Variants in KATNB1 observed in about 807,000 individuals in gnomAD.
KATNB1 encodes the protein katanin regulatory subunit B1.
In KATNB1, 38 loss-of-function variants were observed where a neutral mutation model predicts 82.3. The ratio of observed to expected loss-of-function variants is 0.46; its 90% CI spans 0.36 to 0.61. The LOEUF (loss-of-function observed/expected upper bound fraction) is 0.61. Among genes scored for constraint, KATNB1 ranks in the 20% least tolerant of loss-of-function variants. KATNB1 has a pLI of 0.00. For synonymous variants in KATNB1, 361 were observed against 368.7 expected (o/e 0.98, Z 0.24); for missense variants, 749 against 915.7 (o/e 0.82, Z 2.35).
intron 4 of KATNB1, among the ~76,000 whole-genome samples, chr16:57,747,474 C>T (rs1274484414): frequency 2.0e-5 from 3 of 152,200 alleles, no homozygotes; most frequent in African/African-American, 4.8e-5. Context: ...TAAAGATGCA[C>T]GCAGCCTCTT....
intron 4 of KATNB1, among the ~76,000 whole-genome samples, chr16:57,750,133 C>G (rs2049214086): frequency 6.6e-6 from 1 of 152,226 alleles, no homozygotes; most frequent in African/African-American, 2.4e-5. Flanking sequence ...TTGAACCTCT[C>G]CTGGTCTGTC....
chr16:57,739,657 C>T (rs1357221412), intron 2 of KATNB1, among the ~76,000 whole-genome samples: 2 of 152,168 alleles, frequency 1.3e-5, no homozygotes, highest in Non-Finnish European at 2.9e-5. Context: ...TCTGCCCTCC[C>T]TCTGTGGGCT....
intron 3 of KATNB1, among the ~76,000 whole-genome samples, chr16:57,742,417 C>T (rs1290888011): frequency 2.0e-5 from 3 of 152,234 alleles, no homozygotes; most frequent in African/African-American, 7.2e-5. Flanking sequence ...TATCCAAAGG[C>T]CACCACAGTT....
chr16:57,755,916 G>T lies in KATNB1; in HGVS notation c.1642G>T (p.Ala548Ser), dbSNP rs2049272737. The change falls in exon 17 of 20, where the codon GCC becomes TCC. Residue 548 changes from alanine to serine, a missense_variant and splice_region_variant. Around this residue, in one of 3 missense-constraint regions of KATNB1, gnomAD observed 407 missense variants for 434.7 expected, o/e 0.94. Transcript: ENST00000379661. ...CCTCCTGAACATCGTCAACCAGAAAGCGTAAGTGGCTGCAGAGGGGGAGTG... is the reference window on the plus strand; with the variant it reads ...CCTCCTGAACATCGTCAACCAGAAATCGTAAGTGGCTGCAGAGGGGGAGTG... The part of the protein sequence containing the change: ...VDLLNIVNQK[A>S]SLWKLDLCTT... The T allele has an allele frequency of 1.2e-6, 2 of 1,602,960 alleles. No homozygotes were observed. Among genetic ancestry groups the T allele is most frequent in the African/African-American group, 2.7e-5 (2 of 74,736 alleles).
rs61729343 is a variant in KATNB1, at chr16:57,751,989, C to T, written c.566C>T (p.Thr189Met). Residue 189 changes from threonine (T) to methionine (M), a missense_variant, in exon 8 of 20, where the codon ACG becomes ATG. Physicochemically the swap from Thr to Met is moderately conservative, Grantham distance 81 (BLOSUM62 -1). Around this residue, in one of 3 missense-constraint regions of KATNB1, gnomAD observed 247 missense variants for 349.4 expected, o/e 0.71. Transcript: ENST00000379661. The surrounding 1 kb of genome is among the most constrained non-coding windows in gnomAD (Gnocchi z 6.3). ...GKMMSEFPGH[T>M]GPVNVVEFHP... ...ATGATGTCTGAGTTCCCTGGTCACA[C>T]GGGGCCTGTCAACGTGGTCGAGTTT... 1.2e-5 allele frequency: 20 copies of T among 1,613,670 alleles called. No homozygotes were observed. The East Asian group carries it at 1.8e-4, about 14-fold the overall frequency.
intron 4 of KATNB1, among the ~76,000 whole-genome samples, chr16:57,748,486 GGA>G (rs1183232833): frequency 7.2e-4 from 107 of 148,752 alleles, no homozygotes; most frequent in African/African-American, 2.2e-3. Context: ...AAAAAAAAAA[GGA>G]GAGAGAGAGA....
chr16:57,755,340 CGCAGGCCGTGAAGATCCCCCA>C lies in KATNB1; in HGVS notation c.1421_1441del (p.Val474_Ala480del). On this transcript the variant is annotated splice_acceptor_variant and splice_polypyrimidine_tract_variant and coding_sequence_variant and intron_variant, in exon 16 of 20. Transcript: ENST00000379661. LOFTEE classifies it high-confidence loss of function. Reference sequence around the variant, plus strand: ...TGCCAGCATCTGGGTGTCCATCCCACGCAGGCCGTGAAGATCCCCCAGCAGGCCGAGCTGGTGGACGAGGAT... The same window carrying C: ...TGCCAGCATCTGGGTGTCCATCCCACGCAGGCCGAGCTGGTGGACGAGGAT... 6.2e-7 allele frequency: 1 copy of C among 1,612,808 alleles called. No homozygotes were observed. The highest frequency in any genetic ancestry group is 8.5e-7 in the Non-Finnish European group (1 of 1,179,928).
Position 57,741,784 on chromosome 16 carries a change from C to G in KATNB1, c.138C>G (p.Asn46Lys), listed in dbSNP as rs782710751. 1 of 1,613,700 alleles carries G rather than the reference C, an allele frequency of 6.2e-7. No homozygotes were observed. Among genetic ancestry groups the G allele is most frequent in the Admixed American group, 1.7e-5 (1 of 60,008 alleles). The change falls in exon 3 of 20, where the codon AAC (asparagine) becomes AAG (lysine). Residue 46 changes from asparagine (N) to lysine (K), a missense_variant. This residue lies in a region of KATNB1 where 247 missense variants were observed against 349.4 expected (regional missense o/e 0.71). Transcript: ENST00000379661. ...CAGGCGGGGATGACTGCCGCGTCAACCTGTGGTCCATCAACAAGCCCAACT... is the reference window on the plus strand; with the variant it reads ...CAGGCGGGGATGACTGCCGCGTCAAGCTGTGGTCCATCAACAAGCCCAACT... ...LATGGDDCRV[N>K]LWSINKPNCI...
At chr16:57,741,559 G>A in intron 2 of KATNB1, 128 bp from the exon 3 acceptor site, 1 of 953,264 alleles carries the variant, frequency 1.0e-6, no homozygotes, top group Non-Finnish European at 1.6e-6. Context: ...ACCAAAGGGG[G>A]AGCTGAAGGA....
chr16:57,748,705 A>G (rs1325416804), intron 4 of KATNB1, among the ~76,000 whole-genome samples: 2 of 152,212 alleles, frequency 1.3e-5, no homozygotes, highest in Non-Finnish European at 2.9e-5. Flanking sequence ...GGCAGGAGTC[A>G]AGCCGGAAGA....
chr16:57,754,781 T>G (rs556589724), intron 13 of KATNB1, 149 bp from the exon 14 acceptor site: 2 of 808,960 alleles, frequency 2.5e-6, no homozygotes, highest in African/African-American at 3.4e-5. Context: ...CCAGGTCCTC[T>G]GGAACCCCCA....
At chr16:57,745,925 C>G (rs2049181187) in intron 4 of KATNB1, among the ~76,000 whole-genome samples, 2 of 152,166 alleles carry the variant, frequency 1.3e-5, no homozygotes, top group African/African-American at 4.8e-5. Context: ...TTCTCAGAGC[C>G]TCTCCTCTGG....
Position 57,756,987 on chromosome 16 carries a change from T to G in KATNB1, c.*41T>G. The G allele has an allele frequency of 6.8e-7, 1 of 1,468,828 alleles. No individual in the cohort carries two copies. Among genetic ancestry groups the G allele is most frequent in the Non-Finnish European group, 9.1e-7 (1 of 1,104,508 alleles). The allele number at this position is 1,468,828 out of a possible 1,614,324, so 91.0% of individuals were successfully genotyped here. A position where few individuals can be genotyped will look rare whatever the true frequency, so the allele number is the denominator to read the frequency against. ...GGGGCGCTCGGCAGCCCACAGGGCC[T>G]GGCCTCAGCCCCCACTCCTGTTCCT... is the stretch of plus-strand genomic sequence containing the variant. On this transcript the variant is annotated 3_prime_UTR_variant, in exon 20 of 20. Transcript: ENST00000379661.
intron 2 of KATNB1, among the ~76,000 whole-genome samples, chr16:57,740,828 C>T (rs782669399): frequency 6.6e-6 from 1 of 152,204 alleles, no homozygotes; most frequent in Non-Finnish European, 1.5e-5. Context: ...CCTCCTGCCC[C>T]CTCCTCATGA....
intron 3 of KATNB1, 141 bp from the exon 4 acceptor site, chr16:57,744,253 G>A: frequency 1.4e-6 from 1 of 695,264 alleles, no homozygotes; most frequent in Non-Finnish European, 2.5e-6. Context: ...CCTGCAGGAG[G>A]GCTAGGCTGT....
intron 3 of KATNB1, among the ~76,000 whole-genome samples, chr16:57,742,961 AG>A (rs781834401): frequency 3.3e-5 from 5 of 152,304 alleles, no homozygotes; most frequent in South Asian, 2.1e-4. Context: ...CTTGCCAACC[AG>A]GGAGTATCAT....
intron 4 of KATNB1, among the ~76,000 whole-genome samples, chr16:57,746,591 G>A (rs1482893773): frequency 2.0e-5 from 3 of 152,142 alleles, no homozygotes; most frequent in African/African-American, 2.4e-5. Context: ...CCAGCTCTAC[G>A]GATTTTTCAA....
In KATNB1 at chr16:57,751,391, G is replaced by T; in HGVS notation, c.432+89G>T. On this transcript the variant is annotated intron_variant, in intron 6 of 19. Transcript: ENST00000379661. The surrounding 1 kb of genome is among the most constrained non-coding windows in gnomAD (Gnocchi z 6.3). Reference sequence around the variant, plus strand: ...CCAGACCCCAGCAGGGGGTGGAGGGGACGGCTGTCCCACATGGGTGATAAC... The same window carrying T: ...CCAGACCCCAGCAGGGGGTGGAGGGTACGGCTGTCCCACATGGGTGATAAC... The T allele has an allele frequency of 7.5e-7, 1 of 1,325,670 alleles. No individual in the cohort carries two copies. The highest frequency in any genetic ancestry group is 1.2e-5 in the South Asian group (1 of 84,848). The allele number at this position is 1,325,670 out of a possible 1,614,324, so 82.1% of individuals were successfully genotyped here.
At chr16:57,735,938 G>T (rs1200714446) in intron 1 of KATNB1, 83 bp downstream of exon 1, 3 of 152,448 alleles carry the variant, frequency 2.0e-5, no homozygotes, top group African/African-American at 7.2e-5. Flanking sequence ...CTGGGCTTGC[G>T]GGCAGAGAGC....
Sources: allele counts gnomAD v4.1 joint callset (sites outside exome capture counted in the v4.1 genomes callset), GRCh38; gene constraint gnomAD v4.1.1; regional missense constraint gnomAD v4.1.1; non-coding constraint Gnocchi (gnomAD v3.1); transcripts MANE v1.5; gene names NCBI Gene and HGNC (gene_info 2026-07-23, HGNC 2026-07-21).